MGST2: variants seen among roughly 807,000 people sequenced by gnomAD.
The protein encoded by MGST2 is glutathione peroxidase MGST2.
In MGST2, 9 loss-of-function variants were observed where a neutral mutation model predicts 16.6. The observed-to-expected ratio is 0.54, with a 90% confidence interval of 0.33 to 0.95. The LOEUF is 0.95. MGST2 is among the 40% of genes least tolerant of loss of function. MGST2 has a pLI of 0.03. For missense variants in MGST2, 159 were observed against 175.1 expected (o/e 0.91, Z 0.52); for synonymous variants, 79 against 68.0 (o/e 1.16, Z -0.79).
At chr4:139,695,782 A>G (rs1579320911) in intron 3 of MGST2, among the ~76,000 whole-genome samples, 1 of 152,242 alleles carries the variant, frequency 6.6e-6, no homozygotes, top group Admixed American at 6.5e-5. Context: ...GAGACAAACT[A>G]TATGCTAGAT....
intron 5 of MGST2, among the ~76,000 whole-genome samples, chr4:139,734,317 C>T (rs990537766): frequency 3.9e-5 from 6 of 152,186 alleles, no homozygotes; most frequent in African/African-American, 1.4e-4. Context: ...GCTGAGCTTT[C>T]GTCATGCGAG....
At chr4:139,670,497 G>T (rs1243235967) in intron 1 of MGST2, among the ~76,000 whole-genome samples, 2 of 152,172 alleles carry the variant, frequency 1.3e-5, no homozygotes, top group African/African-American at 4.8e-5. Flanking sequence ...CAAAAGGTGG[G>T]ATATCTTAAA....
At chr4:139,677,464 T>C (rs982187341) in intron 1 of MGST2, among the ~76,000 whole-genome samples, 2 of 152,106 alleles carry the variant, frequency 1.3e-5, no homozygotes, top group Non-Finnish European at 2.9e-5. Context: ...TGATAAGCCT[T>C]TCACTGAATA....
chr4:139,735,695 T>G lies in MGST2; in HGVS notation c.*49-4517T>G, dbSNP rs13143125. ...TTGAAAAAGTCCCCTGGGGCCTAATTTAGCCTCTCGACTCCAGCCTATATG... is the reference window on the plus strand; with the variant it reads ...TTGAAAAAGTCCCCTGGGGCCTAATGTAGCCTCTCGACTCCAGCCTATATG... On this transcript the variant is annotated intron_variant, in intron 5 of 5. Transcript: ENST00000616265. This position sits in a 1 kb window ranked among gnomAD's most constrained non-coding sequence, Gnocchi z 5.8. Among the ~76,000 whole-genome samples, 52,640 of 152,174 alleles carry G rather than the reference T, an allele frequency of 0.35. 10,436 individuals carry two copies. The highest frequency in any genetic ancestry group is 0.5 in the Middle Eastern group (146 of 294).
chr4:139,707,187 G>C (rs1424537950), downstream of MGST2, among the ~76,000 whole-genome samples: 1 of 152,054 alleles, frequency 6.6e-6, no homozygotes, highest in African/African-American at 2.4e-5. Flanking sequence ...ATCTCCTAAT[G>C]CTATACCTCC....
intron 5 of MGST2, among the ~76,000 whole-genome samples, chr4:139,721,947 G>A (rs572525830): frequency 9.2e-5 from 14 of 152,284 alleles, no homozygotes; most frequent in African/African-American, 3.4e-4. Context: ...ATGGGTTATT[G>A]AGTTGTTTAT....
At chr4:139,695,885 C>T (rs1726892936) in intron 3 of MGST2, among the ~76,000 whole-genome samples, 1 of 152,118 alleles carries the variant, frequency 6.6e-6, no homozygotes, top group Admixed American at 6.5e-5. Flanking sequence ...TGACCCCCCG[C>T]CCCACACACA....
chr4:139,740,473 T>G (rs1729125362), exon 6 of MGST2: 1 of 152,126 alleles, frequency 6.6e-6, no homozygotes, highest in African/African-American at 2.4e-5. Context: ...TTGCTACCTT[T>G]CTTTCCTTGA....
At chr4:139,717,837 T>C (rs1456596917) in intron 5 of MGST2, 2 of 152,304 alleles carry the variant, frequency 1.3e-5, no homozygotes, top group East Asian at 3.9e-4. Context: ...AAAAGGGGGA[T>C]TGGGAGGGGA....
At chr4:139,697,422 T>C (rs886973206) in intron 3 of MGST2, among the ~76,000 whole-genome samples, 1 of 152,206 alleles carries the variant, frequency 6.6e-6, no homozygotes, top group Admixed American at 6.5e-5. Context: ...TATTGCTTCT[T>C]GGTTGGTAGA....
At chr4:139,713,392 C>A (rs1018977160) in intron 5 of MGST2, among the ~76,000 whole-genome samples, 1 of 148,008 alleles carries the variant, frequency 6.8e-6, no homozygotes, top group Non-Finnish European at 1.5e-5. Flanking sequence ...GTCTGTGACA[C>A]CTCCTTTGTT....
chr4:139,718,708 G>T (rs1728097232), intron 5 of MGST2: 1 of 152,890 alleles, frequency 6.5e-6, no homozygotes, highest in African/African-American at 2.4e-5. Context: ...GAGACAGACA[G>T]TCCTGTAGGA....
chr4:139,723,299 G>T (rs774845781), intron 5 of MGST2, among the ~76,000 whole-genome samples: 1 of 152,088 alleles, frequency 6.6e-6, no homozygotes, highest in South Asian at 2.1e-4. Flanking sequence ...TTTAATTTTT[G>T]TCTCTGGTTT....
chr4:139,719,486 T>G (rs1419266250), intron 5 of MGST2: 2 of 1,613,926 alleles, frequency 1.2e-6, no homozygotes, highest in African/African-American at 2.7e-5. Context: ...GGCATTCCGC[T>G]CATAGGCTTG....
At chr4:139,726,934 G>A (rs1343404885) in intron 5 of MGST2, among the ~76,000 whole-genome samples, 1 of 152,176 alleles carries the variant, frequency 6.6e-6, no homozygotes. Flanking sequence ...AGTAGCTTGC[G>A]TGACCTTGGG....
At position 139,678,777 on chromosome 4, in the gene MGST2, C is replaced by A. The variant is rs911205697; in HGVS notation, c.158+135C>A. The A allele has an allele frequency of 1.7e-5, 13 of 748,730 alleles. No individual in the cohort carries two copies. In the African/African-American group the frequency reaches 1.9e-4, roughly 11 times the overall value. 46.4% of individuals were successfully genotyped at this position (748,730 alleles called of 1,614,324 possible). ...AGTTATAACAAGTCACTCTTCACAG[C>A]CAAGACCGTTCTCAGAATCCAGAAA... On this transcript the variant is annotated intron_variant, in intron 2 of 4. Transcript: ENST00000265498.
the MGST2 span, among the ~76,000 whole-genome samples, chr4:139,751,567 G>C: frequency 6.6e-6 from 1 of 152,156 alleles, no homozygotes; most frequent in Non-Finnish European, 1.5e-5. Flanking sequence ...AAAAATTTTG[G>C]ATTTTGGAGG....
At chr4:139,679,772 G>C (rs1357501989) in intron 2 of MGST2, among the ~76,000 whole-genome samples, 1 of 152,110 alleles carries the variant, frequency 6.6e-6, no homozygotes, top group Non-Finnish European at 1.5e-5. Flanking sequence ...TGTAGACTTG[G>C]TTTTAAATAA....
In MGST2 at chr4:139,704,137, C is replaced by G. The variant is rs145408278; in HGVS notation, c.433C>G (p.Arg145Gly). The G allele has an allele frequency of 1.2e-6, 2 of 1,614,012 alleles. No individual in the cohort carries two copies. Among genetic ancestry groups the G allele is most frequent in the East Asian group, 4.5e-5 (2 of 44,898 alleles). Residue 145 changes from arginine to glycine, a missense_variant, in exon 5 of 5, where the codon CGG becomes GGG. Arg to Gly is a moderately radical substitution (Grantham distance 125). Coordinates refer to ENST00000265498, the MANE Select transcript of MGST2 (RefSeq NM_002413.5). ...CCTCAATATTGCCAAGAAACTGAGG[C>G]GGCAATTCTAACTTTTTCTCTTCCC... The part of the protein sequence containing the change: ...LDLNIAKKLR[R>G]QF
Sources: gnomAD v4.1 joint callset for allele counts (sites outside exome capture counted in the v4.1 genomes callset) on GRCh38, gnomAD v4.1.1 for gene constraint, Gnocchi (gnomAD v3.1) non-coding constraint, MANE v1.5 for transcripts, NCBI Gene and HGNC (gene_info 2026-07-23, HGNC 2026-07-21) for gene names.